Variants in SPATA13 observed in about 807,000 individuals in gnomAD.
SPATA13 encodes spermatogenesis associated 13.
In SPATA13, 50 loss-of-function variants were observed where a neutral mutation model predicts 104.0. The observed-to-expected ratio is 0.48, with a 90% CI of 0.38 to 0.61. SPATA13 has a LOEUF of 0.61. Among genes scored for constraint, SPATA13 ranks in the 20% least tolerant of loss-of-function variants. The pLI, the probability that SPATA13 is intolerant of heterozygous loss-of-function variation, is 0.00. For missense variants in SPATA13, 1,524 were observed against 1,690.6 expected, an observed-to-expected ratio of 0.90 and a Z score of 1.73; for synonymous variants, 606 against 667.5, an observed-to-expected ratio of 0.91 and a Z score of 1.42.
At chr13:24,024,157 T>C (rs899765089) in intron 3 of SPATA13, among the ~76,000 whole-genome samples, 2 of 152,112 alleles carry the variant, frequency 1.3e-5, no homozygotes, top group Admixed American at 6.5e-5. Context: ...TACACAGACA[T>C]TGGTAGAAGG....
chr13:23,991,734 A>G (rs562161807), intron 2 of SPATA13, among the ~76,000 whole-genome samples: 1 of 152,302 alleles, frequency 6.6e-6, no homozygotes, highest in African/African-American at 2.4e-5. Flanking sequence ...CAGAGTAATC[A>G]TCCCACAGTG....
chr13:24,072,841 T>TTTTTTTTCCTTTTTTTTTTTC, intron 3 of SPATA13, among the ~76,000 whole-genome samples: 1 of 150,472 alleles, frequency 6.6e-6, no homozygotes. Context: ...TTTTTTTTTT[T>TTTTTTTTCCTTTTTTTTTTTC]TTACATCCCC....
chr13:23,988,043 A>G (rs1345428387), intron 2 of SPATA13, among the ~76,000 whole-genome samples: 2 of 151,440 alleles, frequency 1.3e-5, no homozygotes, highest in Non-Finnish European at 2.9e-5. Context: ...TGCTGAGTTC[A>G]GGCAATTCTC....
At chr13:23,980,184 C>CAAA (rs949332397) in intron 1 of SPATA13, among the ~76,000 whole-genome samples, 1 of 147,408 alleles carries the variant, frequency 6.8e-6, no homozygotes, top group Non-Finnish European at 1.5e-5. Context: ...GACTCCGTCT[C>CAAA]AAAAAAAAAA....
chr13:23,994,260 A>G (rs1027266312), intron 2 of SPATA13, among the ~76,000 whole-genome samples: 7 of 152,262 alleles, frequency 4.6e-5, no homozygotes, highest in African/African-American at 1.7e-4. Context: ...ATAATTAAAA[A>G]GATATTGTGT....
At chr13:24,049,768 A>G (rs1005741526) in intron 3 of SPATA13, among the ~76,000 whole-genome samples, 12 of 152,130 alleles carry the variant, frequency 7.9e-5, no homozygotes, top group African/African-American at 2.9e-4. Context: ...TGAAGAAAGT[A>G]CCTCAAGTGT....
chr13:24,169,417 C>G (rs1413911135), intron 1 of SPATA13, among the ~76,000 whole-genome samples: 1 of 152,122 alleles, frequency 6.6e-6, no homozygotes, highest in Non-Finnish European at 1.5e-5. Flanking sequence ...TTTTTCATGA[C>G]AAGTCGTAAG....
At chr13:24,149,253 A>C (rs1593361180) in intron 3 of SPATA13, among the ~76,000 whole-genome samples, 1 of 152,190 alleles carries the variant, frequency 6.6e-6, no homozygotes, top group African/African-American at 2.4e-5. Flanking sequence ...GCAAATTTCC[A>C]CCAGAATTAA....
rs544488452 is a variant in SPATA13 at position 24,239,221 on chromosome 13, T to C, written c.1654-10256T>C. The stretch of plus-strand genomic sequence containing the variant: ...CAATTATTTTGTTTGTAGAATGGCG[T>C]AGGATTTCAGGAGATGATGGAGGAA... On this transcript the variant is annotated intron_variant, in intron 2 of 12. Transcript: ENST00000382108. Among the ~76,000 whole-genome samples, 3 of 152,264 alleles carry C rather than the reference T, an allele frequency of 2.0e-5. No homozygotes were observed. The East Asian group carries it at 5.8e-4, about 29-fold the overall frequency.
intron 3 of SPATA13, among the ~76,000 whole-genome samples, chr13:24,098,594 TAA>T (rs34901396): frequency 3.4e-5 from 3 of 88,246 alleles, no homozygotes; most frequent in Admixed American, 1.3e-4. Flanking sequence ...GAGACTGTCT[TAA>T]AAAAAAAAAA....
At chr13:24,282,707 C>T (rs1243699755) in intron 4 of SPATA13, among the ~76,000 whole-genome samples, 1 of 152,234 alleles carries the variant, frequency 6.6e-6, no homozygotes, top group Non-Finnish European at 1.5e-5. Flanking sequence ...GCCCAGCCCT[C>T]ATCGTGCGGG....
At chr13:23,991,862 A>G (rs991550149) in intron 2 of SPATA13, among the ~76,000 whole-genome samples, 1 of 152,024 alleles carries the variant, frequency 6.6e-6, no homozygotes, top group African/African-American at 2.4e-5. Context: ...AAAATCTTCC[A>G]TGCCAAGCAG....
chr13:24,071,947 G>A (rs868693095), intron 3 of SPATA13, among the ~76,000 whole-genome samples: 18 of 152,322 alleles, frequency 1.2e-4, no homozygotes, highest in East Asian at 3.9e-4. Context: ...GCTGGTTATG[G>A]CAAGGTATTG....
At chr13:24,302,007 C>T (rs778182836) in intron 12 of SPATA13, among the ~76,000 whole-genome samples, 18 of 152,128 alleles carry the variant, frequency 1.2e-4, no homozygotes, top group Non-Finnish European at 2.2e-4. Context: ...TGATAAATGG[C>T]ACAGAAGAAT....
intron 4 of SPATA13, among the ~76,000 whole-genome samples, chr13:24,264,142 CTT>C (rs960805556): frequency 3.3e-5 from 5 of 151,566 alleles, no homozygotes. Flanking sequence ...AAGTATTAAA[CTT>C]TTTTTTTAGC....
chr13:24,103,497 AAAAAAC>A, intron 3 of SPATA13, among the ~76,000 whole-genome samples: 1 of 149,080 alleles, frequency 6.7e-6, no homozygotes, highest in South Asian at 2.1e-4. Context: ...AAAAAAAAAA[AAAAAAC>A]AAGAAAGAAA....
At chr13:24,048,359 A>G (rs994531023) in intron 3 of SPATA13, among the ~76,000 whole-genome samples, 4 of 151,964 alleles carry the variant, frequency 2.6e-5, no homozygotes, top group Admixed American at 1.3e-4. Context: ...GTAACTAAAC[A>G]TATAAAGCAA....
chr13:24,028,643 A>G (rs537605911), intron 3 of SPATA13, among the ~76,000 whole-genome samples: 7 of 152,318 alleles, frequency 4.6e-5, no homozygotes, highest in South Asian at 2.1e-4. Context: ...AACTACTATC[A>G]GTTTTGGAAA....
At chr13:23,984,870 A>C (rs1171389709) in intron 2 of SPATA13, among the ~76,000 whole-genome samples, 1 of 152,236 alleles carries the variant, frequency 6.6e-6, no homozygotes, top group Non-Finnish European at 1.5e-5. Context: ...GTCAGCTTTG[A>C]ACATGAATGC....
Sources: gnomAD v4.1 joint callset for allele counts (sites outside exome capture counted in the v4.1 genomes callset) on GRCh38, gnomAD v4.1.1 for gene constraint, MANE v1.5 for transcripts, NCBI Gene and HGNC (gene_info 2026-07-23, HGNC 2026-07-21) for gene names.